MAGI2: variants seen among roughly 807,000 people sequenced by gnomAD.
MAGI2 encodes the protein membrane-associated guanylate kinase, WW and PDZ domain-containing protein 2.
MAGI2 carries 35 observed loss-of-function variants against 133.3 expected under a neutral mutation model. That is an observed-to-expected ratio of 0.26 (90% confidence interval 0.20 to 0.35). The LOEUF (loss-of-function observed/expected upper bound fraction) is 0.35. Among genes scored for constraint, MAGI2 ranks in the 10% least tolerant of loss-of-function variants. The pLI, the probability that MAGI2 is intolerant of heterozygous loss-of-function variation, is 1.00. For missense variants in MAGI2, 1,636 were observed against 1,863.4 expected (o/e 0.88, Z 2.25); for synonymous variants, 729 against 710.6 (o/e 1.03, Z -0.41).
intron 3 of MAGI2, among the ~76,000 whole-genome samples, chr7:78,541,270 G>A (rs1306014824): frequency 6.6e-6 from 1 of 152,170 alleles, no homozygotes; most frequent in African/African-American, 2.4e-5. Context: ...AGTCTTAATA[G>A]ATATCAGACA....
At chr7:78,913,221 G>A (rs1798547476) in intron 2 of MAGI2, among the ~76,000 whole-genome samples, 1 of 152,120 alleles carries the variant, frequency 6.6e-6, no homozygotes, top group South Asian at 2.1e-4. Flanking sequence ...CAATGTTGGA[G>A]GTGGGGCCTG....
intron 1 of MAGI2, among the ~76,000 whole-genome samples, chr7:79,438,887 T>C (rs1006660074): frequency 6.6e-6 from 1 of 152,134 alleles, no homozygotes; most frequent in Non-Finnish European, 1.5e-5. Context: ...TGTTTCTCCT[T>C]CGCCTAAACA....
At chr7:78,555,247 T>TAGATAGAC (rs1182868082) in intron 3 of MAGI2, among the ~76,000 whole-genome samples, 54 of 151,308 alleles carry the variant, frequency 3.6e-4, no homozygotes, top group East Asian at 9.7e-4. Context: ...GATAGATAGA[T>TAGATAGAC]AGGTTTAACT....
chr7:79,054,898 C>T (rs1442519673), intron 1 of MAGI2, among the ~76,000 whole-genome samples: 2 of 152,208 alleles, frequency 1.3e-5, no homozygotes, highest in Non-Finnish European at 2.9e-5. Flanking sequence ...TCAAGTGATT[C>T]TCTTGCCTCA....
At chr7:78,701,825 C>G (rs1818108011) in intron 2 of MAGI2, among the ~76,000 whole-genome samples, 1 of 151,920 alleles carries the variant, frequency 6.6e-6, no homozygotes, top group Non-Finnish European at 1.5e-5. Context: ...TTCACTTTTC[C>G]TTAAACCATA....
At chr7:78,469,404 A>G (rs1273610665) in intron 6 of MAGI2, among the ~76,000 whole-genome samples, 1 of 152,180 alleles carries the variant, frequency 6.6e-6, no homozygotes, top group Admixed American at 6.6e-5. Context: ...TGCCATATGA[A>G]ATAACCTCCA....
chr7:79,141,605 A>G lies in MAGI2; in HGVS notation c.302-134399T>C, dbSNP rs971855894. 2.6e-5 allele frequency among the ~76,000 whole-genome samples: 4 copies of G among 152,284 alleles called. No homozygotes were observed. In the East Asian group the frequency reaches 7.7e-4, roughly 29 times the overall value. On this transcript the variant is annotated intron_variant, in intron 1 of 21. Transcript: ENST00000354212. ...CTCAAAAGTCAATAATTATTAATGT[A>G]CTATATCTTACTTCAATAATCAATG...
At chr7:78,900,937 C>G (rs1332142850) in intron 2 of MAGI2, among the ~76,000 whole-genome samples, 1 of 152,118 alleles carries the variant, frequency 6.6e-6, no homozygotes, top group Non-Finnish European at 1.5e-5. Flanking sequence ...AGAATTCTTT[C>G]AGTTCATTGA....
intron 2 of MAGI2, among the ~76,000 whole-genome samples, chr7:78,929,483 A>G (rs932510462): frequency 2.6e-5 from 4 of 152,034 alleles, no homozygotes; most frequent in African/African-American, 9.7e-5. Flanking sequence ...CACCTGGTTA[A>G]AGTCAAACGT....
intron 21 of MAGI2, among the ~76,000 whole-genome samples, chr7:78,047,138 G>T (rs11761489): frequency 0.067 from 10,167 of 152,222 alleles, 341 homozygotes; most frequent in South Asian, 0.078. Flanking sequence ...ATGACGATGG[G>T]GGTTCTGTGC....
chr7:78,433,937 A>G (rs958664017), intron 6 of MAGI2, among the ~76,000 whole-genome samples: 1 of 152,196 alleles, frequency 6.6e-6, no homozygotes, highest in Non-Finnish European at 1.5e-5. Context: ...GAATGATTGA[A>G]TGAAGCATTG....
At chr7:78,356,023 C>T (rs1477374621) in intron 7 of MAGI2, among the ~76,000 whole-genome samples, 1 of 152,094 alleles carries the variant, frequency 6.6e-6, no homozygotes, top group African/African-American at 2.4e-5. Context: ...CTTTGTGTAA[C>T]ATTGCTTTCA....
At chr7:79,046,463 G>A (rs1181962312) in intron 1 of MAGI2, among the ~76,000 whole-genome samples, 1 of 152,184 alleles carries the variant, frequency 6.6e-6, no homozygotes, top group Non-Finnish European at 1.5e-5. Flanking sequence ...TTCTGCTGTT[G>A]AAGTCACCCA....
chr7:78,814,216 C>G (rs1216957953), intron 2 of MAGI2, among the ~76,000 whole-genome samples: 1 of 152,058 alleles, frequency 6.6e-6, no homozygotes, highest in Non-Finnish European at 1.5e-5. Context: ...GAGTTTATGC[C>G]TTTGTGTTTT....
Position 79,243,508 on chromosome 7 carries a change from T to C in MAGI2, c.301+209512A>G, listed in dbSNP as rs542804221. Among the ~76,000 whole-genome samples, 3 of 152,322 alleles carry C rather than the reference T, an allele frequency of 2.0e-5. No homozygotes were observed. In the South Asian group the frequency reaches 6.2e-4, roughly 32 times the overall value. ...AATGGGATGTGAGTTGGTGATATCA[T>C]GGAGAATTAACTTAGGAGTTAGTGG... On this transcript the variant is annotated intron_variant, in intron 1 of 21. Coordinates refer to ENST00000354212, the MANE Select transcript of MAGI2 (RefSeq NM_012301.4).
At chr7:79,229,317 T>A (rs932405004) in intron 1 of MAGI2, among the ~76,000 whole-genome samples, 1 of 152,150 alleles carries the variant, frequency 6.6e-6, no homozygotes, top group African/African-American at 2.4e-5. Flanking sequence ...TAAAACCCCA[T>A]ACATGCTACA....
At chr7:78,860,471 C>T (rs529482552) in intron 2 of MAGI2, among the ~76,000 whole-genome samples, 207 of 152,306 alleles carry the variant, frequency 1.4e-3, no homozygotes, top group African/African-American at 4.7e-3. Context: ...ACAGTCAGGA[C>T]CCTCAGCTGC....
At chr7:78,913,990 G>A (rs1042526402) in intron 2 of MAGI2, among the ~76,000 whole-genome samples, 39 of 152,180 alleles carry the variant, frequency 2.6e-4, no homozygotes, top group African/African-American at 8.2e-4. Flanking sequence ...TGAATGCCTG[G>A]GAAAGCTTGG....
intron 21 of MAGI2, among the ~76,000 whole-genome samples, chr7:78,057,265 G>T (rs1812680594): frequency 6.6e-6 from 1 of 152,010 alleles, no homozygotes; most frequent in Admixed American, 6.6e-5. Flanking sequence ...TTTTTGAGAT[G>T]GAGTTTTGCT....
Sources: allele counts gnomAD v4.1 joint callset (sites outside exome capture counted in the v4.1 genomes callset), GRCh38; gene constraint gnomAD v4.1.1; transcripts MANE v1.5; gene names NCBI Gene and HGNC (gene_info 2026-07-23, HGNC 2026-07-21).